GNA14: variants seen among roughly 807,000 people sequenced by gnomAD.
GNA14 encodes guanine nucleotide-binding protein subunit alpha-14.
GNA14 carries 50 observed loss-of-function variants against 42.0 expected under a neutral mutation model. The ratio of observed to expected loss-of-function variants is 1.19; its 90% CI spans 0.95 to 1.51. The LOEUF (loss-of-function observed/expected upper bound fraction) is 1.51, where lower values mean the gene tolerates loss of function less well. GNA14 is among the 40% of genes most tolerant of loss of function. GNA14 has a pLI of 0.00. For missense variants in GNA14, 473 were observed against 446.2 expected (o/e 1.06, Z -0.54); for synonymous variants, 173 against 163.1 (o/e 1.06, Z -0.46).
intron 2 of GNA14, among the ~76,000 whole-genome samples, chr9:77,520,432 G>A (rs1213457449): frequency 2.0e-5 from 3 of 152,190 alleles, no homozygotes; most frequent in Admixed American, 1.3e-4. Context: ...AATTCTGAAG[G>A]ACTTCGGATC....
At chr9:77,604,767 G>A (rs573741496) in intron 1 of GNA14, among the ~76,000 whole-genome samples, 1 of 152,214 alleles carries the variant, frequency 6.6e-6, no homozygotes, top group African/African-American at 2.4e-5. Context: ...ACCACCTATG[G>A]GGTTGTTGCA....
chr9:77,626,894 C>CCTT (rs1824020197), intron 1 of GNA14, among the ~76,000 whole-genome samples: 2 of 151,994 alleles, frequency 1.3e-5, no homozygotes, highest in Non-Finnish European at 2.9e-5. Flanking sequence ...CAGAGCAGAA[C>CCTT]TGAAGAAGAT....
At chr9:77,505,736 C>T (rs1426566952) in intron 2 of GNA14, among the ~76,000 whole-genome samples, 3 of 152,194 alleles carry the variant, frequency 2.0e-5, no homozygotes, top group African/African-American at 7.2e-5. Context: ...ACAGCTGTAG[C>T]AAGGCACCAT....
At chr9:77,591,162 A>G (rs1263349476) in intron 1 of GNA14, among the ~76,000 whole-genome samples, 1 of 152,230 alleles carries the variant, frequency 6.6e-6, no homozygotes, top group Non-Finnish European at 1.5e-5. Flanking sequence ...GTTTCCGAGT[A>G]GAATCATCCT....
intron 1 of GNA14, among the ~76,000 whole-genome samples, chr9:77,589,319 C>T (rs1823352966): frequency 6.6e-6 from 1 of 152,252 alleles, no homozygotes; most frequent in Admixed American, 6.5e-5. Context: ...GTCAACCAAA[C>T]TGTCAGTGTT....
At chr9:77,647,055 G>A (rs1824366849) in intron 1 of GNA14, among the ~76,000 whole-genome samples, 1 of 152,202 alleles carries the variant, frequency 6.6e-6, no homozygotes, top group African/African-American at 2.4e-5. Flanking sequence ...AGGAGCTCAC[G>A]GTCAGAGGAG....
intron 2 of GNA14, among the ~76,000 whole-genome samples, chr9:77,457,865 A>C (rs950226669): frequency 2.0e-5 from 3 of 151,218 alleles, no homozygotes; most frequent in African/African-American, 7.3e-5. Context: ...ATCCAACAAC[A>C]TTCCTTGCTC....
chr9:77,493,020 A>ATATATATAT (rs1466048683), intron 2 of GNA14, among the ~76,000 whole-genome samples: 20 of 80,640 alleles, frequency 2.5e-4, no homozygotes, highest in East Asian at 5.4e-4. Context: ...AAAAAAAAAA[A>ATATATATAT]AAAAAAATAT....
chr9:77,571,741 G>C (rs2131796661), intron 1 of GNA14, among the ~76,000 whole-genome samples: 1 of 134,702 alleles, frequency 7.4e-6, no homozygotes, highest in African/African-American at 2.6e-5. Context: ...GGCAACAAGA[G>C]CAAACCTCTG....
At chr9:77,575,393 A>G (rs2131798570) in intron 1 of GNA14, among the ~76,000 whole-genome samples, 1 of 152,306 alleles carries the variant, frequency 6.6e-6, no homozygotes, top group South Asian at 2.1e-4. Flanking sequence ...AAAAAAAAGA[A>G]AGAAAACTAG....
At chr9:77,438,293 G>A (rs926098938) in intron 2 of GNA14, among the ~76,000 whole-genome samples, 9 of 151,440 alleles carry the variant, frequency 5.9e-5, no homozygotes, top group Non-Finnish European at 1.0e-4. Context: ...TAAAGACATA[G>A]TTTCACTCTG....
intron 1 of GNA14, among the ~76,000 whole-genome samples, chr9:77,623,922 G>A (rs1282167849): frequency 2.0e-5 from 3 of 152,088 alleles, no homozygotes; most frequent in South Asian, 4.1e-4. Flanking sequence ...GCACAGAACC[G>A]TTCACTCCCC....
In GNA14 at chr9:77,635,932, A is replaced by G. The variant is rs188583630; in HGVS notation, c.124+11738T>C. On this transcript the variant is annotated intron_variant, in intron 1 of 6. Transcript: ENST00000341700. ...CTGTAGGAAGGAACCAATTTTTAAA[A>G]TTTTCCATCAGTTGTATTTCATAAA... Among the ~76,000 whole-genome samples, 282 of 152,226 alleles carry G rather than the reference A, an allele frequency of 1.9e-3. 2 individuals are homozygous for G. Among genetic ancestry groups the G allele is most frequent in the South Asian group, 0.012 (57 of 4,826 alleles).
intron 1 of GNA14, among the ~76,000 whole-genome samples, chr9:77,628,377 G>GA (rs879220383): frequency 2.6e-5 from 4 of 152,110 alleles, no homozygotes; most frequent in African/African-American, 7.2e-5. Context: ...CACAGAATTA[G>GA]AAAAAACTAC....
At chr9:77,481,698 G>A (rs1836555275) in intron 2 of GNA14, among the ~76,000 whole-genome samples, 1 of 152,142 alleles carries the variant, frequency 6.6e-6, no homozygotes, top group Admixed American at 6.5e-5. Flanking sequence ...CTCTTTGTAG[G>A]TCACTCAGGA....
chr9:77,505,829 G>GT (rs767812239), intron 2 of GNA14, among the ~76,000 whole-genome samples: 10 of 152,156 alleles, frequency 6.6e-5, no homozygotes, highest in Non-Finnish European at 1.2e-4. Flanking sequence ...TTTTAATCAG[G>GT]TAACAGGTGC....
rs561201583 is a variant in GNA14, at chr9:77,491,254, A to C, written c.309+37815T>G. ...TTTAAAATGCTAACATGCAAAAAGG[A>C]AACATTTGAAGGTATAAAATCCACT... is the stretch of plus-strand genomic sequence containing the variant. On this transcript the variant is annotated intron_variant, in intron 2 of 6. Transcript: ENST00000341700. Among the ~76,000 whole-genome samples, 29 of 152,376 alleles carry C rather than the reference A, an allele frequency of 1.9e-4. 1 individual carries two copies. The South Asian group carries it at 6.0e-3, about 32-fold the overall frequency.
chr9:77,436,649 A>G (rs553005790), intron 2 of GNA14, among the ~76,000 whole-genome samples: 1 of 152,064 alleles, frequency 6.6e-6, no homozygotes, highest in Admixed American at 6.5e-5. Flanking sequence ...TTTCCCAAAT[A>G]GGTCAGTTGT....
intron 2 of GNA14, among the ~76,000 whole-genome samples, chr9:77,518,849 TA>T (rs1837303734): frequency 6.6e-6 from 1 of 152,180 alleles, no homozygotes; most frequent in Non-Finnish European, 1.5e-5. Flanking sequence ...GCCATTTTTT[TA>T]AAAAGAGAAA....
Sources: gnomAD v4.1 joint callset for allele counts (sites outside exome capture counted in the v4.1 genomes callset) on GRCh38, gnomAD v4.1.1 for gene constraint, MANE v1.5 for transcripts, NCBI Gene and HGNC (gene_info 2026-07-23, HGNC 2026-07-21) for gene names.